The following CDNF variants were observed in gnomAD, a reference collection of about 807,000 sequenced individuals.
The protein encoded by CDNF is cerebral dopamine neurotrophic factor.
Under a neutral mutation model 14.8 loss-of-function variants are expected in CDNF, and 9 were observed. The ratio of observed to expected loss-of-function variants is 0.61; its 90% CI spans 0.37 to 1.06. The LOEUF (loss-of-function observed/expected upper bound fraction) is 1.06, where lower values mean the gene tolerates loss of function less well. Among genes scored for constraint, CDNF ranks in the 50% least tolerant of loss-of-function variants. The pLI, the probability that CDNF is intolerant of heterozygous loss-of-function variation, is 0.01. For synonymous variants in CDNF, 86 were observed against 87.2 expected (o/e 0.99, Z 0.07); for missense variants, 228 against 228.4 (o/e 1.00, Z 0.01).
At chr10:14,828,483 C>T (rs537851517) in intron 1 of CDNF, among the ~76,000 whole-genome samples, 3 of 152,114 alleles carry the variant, frequency 2.0e-5, no homozygotes, top group Non-Finnish European at 2.9e-5. Context: ...CCTCTCTCTA[C>T]TAAAATACAA....
In CDNF at chr10:14,837,900, AG is replaced by A; in HGVS notation, c.46del (p.Leu16PhefsTer8). On this transcript the variant is annotated frameshift_variant, in exon 1 of 4. Transcript: ENST00000465530. LOFTEE classifies it high-confidence loss of function. Reference protein sequence around the residue: ...PVAVVAFCAGLLVSHPVLTQG... With the variant: ...PVAVVAFCAGXLVSHPVLTQG... ...CGTCAGCACCGGGTGAGAGACCAAA[AG>A]CCCGGCGCAAAAGGCCACCACAGCA... 1 of 1,607,458 alleles carries A rather than the reference AG, an allele frequency of 6.2e-7. No homozygotes were observed. Among genetic ancestry groups the A allele is most frequent in the Non-Finnish European group, 8.5e-7 (1 of 1,178,440 alleles).
Position 14,825,473 on chromosome 10 carries a change from T to A in CDNF, c.385+6A>T. On this transcript the variant is annotated splice_donor_region_variant and intron_variant, in intron 3 of 3. Coordinates refer to ENST00000465530, the MANE Select transcript of CDNF (RefSeq NM_001029954.3). ...CTACTGGGAAAAACACGGGGCTGTG[T>A]TATACCATATTTCAGCTCACAGATC... The A allele has an allele frequency of 6.2e-7, 1 of 1,613,802 alleles. No homozygotes were observed. The highest frequency in any genetic ancestry group is 2.2e-5 in the East Asian group (1 of 44,870).
chr10:14,832,838 T>C (rs1833854647), intron 1 of CDNF, among the ~76,000 whole-genome samples: 1 of 149,564 alleles, frequency 6.7e-6, no homozygotes, highest in Admixed American at 6.7e-5. Context: ...AGGAATCTAA[T>C]CTTTCTTTTT....
At chr10:14,832,286 G>A (rs1374892182) in intron 1 of CDNF, among the ~76,000 whole-genome samples, 1 of 152,198 alleles carries the variant, frequency 6.6e-6, no homozygotes, top group Non-Finnish European at 1.5e-5. Flanking sequence ...AGTGTCCTTG[G>A]TGGCTTCAAG....
chr10:14,822,667 G>T (rs1303147863), intron 3 of CDNF, among the ~76,000 whole-genome samples: 3 of 152,068 alleles, frequency 2.0e-5, no homozygotes, highest in African/African-American at 7.2e-5. Flanking sequence ...AACAACTAGT[G>T]GCAGCCTAGA....
At chr10:14,834,055 A>C (rs1268683291) in intron 1 of CDNF, among the ~76,000 whole-genome samples, 1 of 152,116 alleles carries the variant, frequency 6.6e-6, no homozygotes, top group African/African-American at 2.4e-5. Flanking sequence ...AGAAACTATC[A>C]TCAGGCCAGG....
intron 1 of CDNF, among the ~76,000 whole-genome samples, chr10:14,830,769 C>T (rs182001051): frequency 2.3e-3 from 345 of 152,146 alleles, no homozygotes; most frequent in African/African-American, 7.5e-3. Flanking sequence ...ATGCTTGAAC[C>T]CGGGAGGCGG....
chr10:14,834,688 A>C (rs1263007277), intron 1 of CDNF, among the ~76,000 whole-genome samples: 1 of 152,228 alleles, frequency 6.6e-6, no homozygotes, highest in Non-Finnish European at 1.5e-5. Context: ...AGGTGGTGAG[A>C]AACACTGCCT....
At chr10:14,826,406 CAGCAGCAGA>C (rs201403912) in intron 2 of CDNF, among the ~76,000 whole-genome samples, 3,446 of 147,588 alleles carry the variant, frequency 0.023, 142 homozygotes, top group African/African-American at 0.079. Context: ...GAAGCAGCAG[CAGCAGCAGA>C]AGCAGCAGAA....
At chr10:14,828,024 G>C in intron 2 of CDNF, 121 bp downstream of exon 2, 1 of 867,512 alleles carries the variant, frequency 1.2e-6, no homozygotes, top group South Asian at 1.6e-5. Flanking sequence ...CTTGCTGCGT[G>C]CTCTAAAATG....
intron 3 of CDNF, among the ~76,000 whole-genome samples, chr10:14,821,959 A>G (rs1372269064): frequency 2.0e-5 from 3 of 152,260 alleles, no homozygotes; most frequent in Non-Finnish European, 4.4e-5. Context: ...AAATGAGCAC[A>G]TACACATGAC....
Position 14,837,723 on chromosome 10 carries a change from T to C in CDNF, c.115+109A>G, listed in dbSNP as rs189140965. 581 of 652,378 alleles carry C rather than the reference T, an allele frequency of 8.9e-4. 2 individuals carry two copies. The African/African-American group carries it at 9.8e-3, about 11-fold the overall frequency. 40.4% of individuals were successfully genotyped at this position (652,378 alleles called of 1,614,324 possible). A position where few individuals can be genotyped will look rare whatever the true frequency, so the allele number is the denominator to read the frequency against. ...CTAAAACGAGGGACAGGGCCTGCAT[T>C]TCCTGGGCGGAATGTTATTTATAGC... On this transcript the variant is annotated intron_variant, in intron 1 of 3. Transcript: ENST00000465530.
chr10:14,828,207 C>A lies in CDNF; in HGVS notation c.181G>T (p.Asp61Tyr), dbSNP rs201197981. 1.2e-5 allele frequency: 20 copies of A among 1,613,152 alleles called. No individual in the cohort carries two copies. Among genetic ancestry groups the A allele is most frequent in the African/African-American group, 4.0e-5 (3 of 74,868 alleles). Residue 61 changes from aspartate to tyrosine, a missense_variant, in exon 2 of 4, where the codon GAC (aspartate) becomes TAC (tyrosine). Asp to Tyr is a radical substitution (Grantham distance 160). Coordinates refer to ENST00000465530, the MANE Select transcript of CDNF (RefSeq NM_001029954.3). ...LIDRGVNFSL[D>Y]TIEKELISFC... ...CTGATCAATTCTTTCTCTATAGTGT[C>A]CAGCGAAAAGTTAACTCCTCTGTCT...
Position 14,820,166 on chromosome 10 carries a change from G to A in CDNF, c.386-8C>T. ...CCAAGTCCAGTGTTTTTTCTAAATG[G>A]CAAAAAGGAAAAAAGCCAATTACAA... On this transcript the variant is annotated splice_region_variant and splice_polypyrimidine_tract_variant and intron_variant, in intron 3 of 3. Coordinates refer to ENST00000465530, the MANE Select transcript of CDNF (RefSeq NM_001029954.3). 2 of 1,599,954 alleles carry A rather than the reference G, an allele frequency of 1.3e-6. No homozygotes were observed. The highest frequency in any genetic ancestry group is 1.8e-5 in the Admixed American group (1 of 55,712).
intron 1 of CDNF, among the ~76,000 whole-genome samples, chr10:14,834,516 C>T (rs890592195): frequency 6.6e-6 from 1 of 152,124 alleles, no homozygotes; most frequent in African/African-American, 2.4e-5. Flanking sequence ...GCCAATGTAT[C>T]ATCTAGGTGA....
chr10:14,829,659 C>T (rs551335936), intron 1 of CDNF, among the ~76,000 whole-genome samples: 11 of 152,202 alleles, frequency 7.2e-5, no homozygotes, highest in African/African-American at 2.4e-4. Context: ...GACGAAGTCT[C>T]GCTCTGTTCA....
At chr10:14,824,071 G>C (rs903141829) in intron 3 of CDNF, among the ~76,000 whole-genome samples, 1 of 152,180 alleles carries the variant, frequency 6.6e-6, no homozygotes, top group Non-Finnish European at 1.5e-5. Context: ...AAATAACTTA[G>C]AGGTGGATGC....
intron 2 of CDNF, among the ~76,000 whole-genome samples, chr10:14,826,076 GAAGAAGA>G (rs1833782370): frequency 7.0e-6 from 1 of 143,234 alleles, no homozygotes; most frequent in Non-Finnish European, 1.5e-5. Flanking sequence ...AGAAGAAGAA[GAAGAAGA>G]AGAAGAAGAA....
chr10:14,826,125 A>AGAAGG (rs1833786475), intron 2 of CDNF, among the ~76,000 whole-genome samples: 2 of 137,126 alleles, frequency 1.5e-5, no homozygotes, highest in African/African-American at 5.9e-5. Context: ...GCAGCAGCAG[A>AGAAGG]AGCAGGAGAA....
Sources: allele counts gnomAD v4.1 joint callset (sites outside exome capture counted in the v4.1 genomes callset), GRCh38; gene constraint gnomAD v4.1.1; transcripts MANE v1.5; gene names NCBI Gene and HGNC (gene_info 2026-07-23, HGNC 2026-07-21).